ZNF148: variants seen among roughly 807,000 people sequenced by gnomAD.
The protein encoded by ZNF148 is zinc finger protein 148.
Under a neutral mutation model 67.7 loss-of-function variants are expected in ZNF148, and 7 were observed. That is an observed-to-expected ratio of 0.10 (90% CI 0.06 to 0.19). ZNF148 has a LOEUF of 0.19. Among genes scored for constraint, ZNF148 ranks in the 10% least tolerant of loss-of-function variants. The pLI is 1.00. For missense variants in ZNF148, 583 were observed against 947.1 expected (o/e 0.62, Z 5.05); for synonymous variants, 333 against 330.7 (o/e 1.01, Z -0.08).
At chr3:125,242,669 C>T (rs1936421005) in intron 7 of ZNF148, among the ~76,000 whole-genome samples, 1 of 152,046 alleles carries the variant, frequency 6.6e-6, no homozygotes, top group Non-Finnish European at 1.5e-5. Flanking sequence ...AAAAACAAAT[C>T]CTCATATATT....
At chr3:125,300,040 C>T (rs1236013534) in intron 4 of ZNF148, among the ~76,000 whole-genome samples, 1 of 152,164 alleles carries the variant, frequency 6.6e-6, no homozygotes, top group African/African-American at 2.4e-5. Context: ...GGTGCCATCT[C>T]GGCTCACTGC....
chr3:125,255,379 T>G (rs1257549005), intron 7 of ZNF148, among the ~76,000 whole-genome samples: 1 of 151,350 alleles, frequency 6.6e-6, no homozygotes, highest in African/African-American at 2.4e-5. Flanking sequence ...CCCAAGTAGC[T>G]AGGATTATAG....
intron 7 of ZNF148, among the ~76,000 whole-genome samples, chr3:125,252,919 TG>T (rs1936908461): frequency 6.6e-6 from 1 of 152,194 alleles, no homozygotes; most frequent in South Asian, 2.1e-4. Flanking sequence ...AATTATACAA[TG>T]TTTCAAATGA....
In ZNF148 at chr3:125,317,698, C is replaced by T. The variant is rs866974506; in HGVS notation, c.-16-4042G>A. Among the ~76,000 whole-genome samples, 283 of 103,318 alleles carry T rather than the reference C, an allele frequency of 2.7e-3. 3 individuals are homozygous for T. The Middle Eastern group carries it at 0.035, about 13-fold the overall frequency. 67.8% of individuals were successfully genotyped at this position (103,318 alleles called of 152,430 possible). Reference sequence around the variant, plus strand: ...AGAGAGAAATACATATACACACACACATATATATATATATATTTTTTTTTT... The same window carrying T: ...AGAGAGAAATACATATACACACACATATATATATATATATATTTTTTTTTT... On this transcript the variant is annotated intron_variant, in intron 3 of 8. Transcript: ENST00000360647.
At chr3:125,287,979 C>CGAG in intron 5 of ZNF148, 124 bp downstream of exon 5, 1 of 1,364,318 alleles carries the variant, frequency 7.3e-7, no homozygotes, top group Middle Eastern at 1.9e-4. Flanking sequence ...GGCACGCACC[C>CGAG]CCTCCTACTA....
At chr3:125,256,271 G>A (rs1937072557) in intron 7 of ZNF148, among the ~76,000 whole-genome samples, 1 of 151,754 alleles carries the variant, frequency 6.6e-6, no homozygotes, top group Admixed American at 6.6e-5. Flanking sequence ...GGGAGGCTGA[G>A]GCAGGAGAAT....
At chr3:125,267,213 G>A (rs1039327947) in intron 7 of ZNF148, among the ~76,000 whole-genome samples, 1 of 150,654 alleles carries the variant, frequency 6.6e-6, no homozygotes, top group Non-Finnish European at 1.5e-5. Context: ...CTCATTCTAC[G>A]AAACCAGTAT....
intron 1 of ZNF148, among the ~76,000 whole-genome samples, chr3:125,354,959 C>T (rs1000558707): frequency 2.0e-5 from 3 of 152,044 alleles, no homozygotes; most frequent in African/African-American, 7.2e-5. Flanking sequence ...AAAAGTGATG[C>T]CACACCCTTT....
intron 1 of ZNF148, among the ~76,000 whole-genome samples, chr3:125,336,437 T>C (rs750027264): frequency 2.6e-5 from 4 of 152,212 alleles, no homozygotes; most frequent in African/African-American, 4.8e-5. Flanking sequence ...GAGATTTCTA[T>C]GAATTTGGTT....
intron 3 of ZNF148, among the ~76,000 whole-genome samples, chr3:125,316,351 G>A (rs1012350695): frequency 3.3e-5 from 5 of 152,188 alleles, no homozygotes; most frequent in East Asian, 1.9e-4. Flanking sequence ...CTTTTTAGGG[G>A]AAATATACCC....
In ZNF148 at chr3:125,228,847, A is replaced by C. The variant is rs1048669621; in HGVS notation, c.*3494T>G. On this transcript the variant is annotated 3_prime_UTR_variant, in exon 9 of 9. Coordinates refer to ENST00000360647, the MANE Select transcript of ZNF148 (RefSeq NM_021964.3). ...AACCATATTTACAGCATGGTATTGC[A>C]TAAAAAAATAAAATAATGTTTACAG... 3.3e-5 allele frequency: 5 copies of C among 152,636 alleles called. No homozygotes were observed. Among genetic ancestry groups the C allele is most frequent in the Admixed American group, 3.3e-4 (5 of 15,274 alleles). The allele number at this position is 152,636 out of a possible 1,614,324, so 9.5% of individuals were successfully genotyped here. A position where few individuals can be genotyped will look rare whatever the true frequency, so the allele number is the denominator to read the frequency against.
intron 2 of ZNF148, among the ~76,000 whole-genome samples, chr3:125,326,876 A>ATAGT (rs1553710385): frequency 4.0e-5 from 6 of 148,540 alleles, no homozygotes; most frequent in African/African-American, 9.8e-5. Flanking sequence ...ATATATATAT[A>ATAGT]GTGTGTGTGT....
At chr3:125,251,126 C>A (rs1936823170) in intron 7 of ZNF148, among the ~76,000 whole-genome samples, 1 of 152,136 alleles carries the variant, frequency 6.6e-6, no homozygotes, top group African/African-American at 2.4e-5. Context: ...CATTAAATTT[C>A]CACAAAGTCC....
chr3:125,357,530 G>C (rs1355391186), intron 1 of ZNF148, among the ~76,000 whole-genome samples: 1 of 152,004 alleles, frequency 6.6e-6, no homozygotes, highest in South Asian at 2.1e-4. Context: ...AGAGCGCACG[G>C]ACCCAGGCGG....
intron 1 of ZNF148, among the ~76,000 whole-genome samples, chr3:125,354,734 T>A (rs967732451): frequency 1.3e-5 from 2 of 152,202 alleles, no homozygotes; most frequent in Admixed American, 1.3e-4. Flanking sequence ...CTAACTTTAA[T>A]TGTTTTGTTT....
intron 1 of ZNF148, among the ~76,000 whole-genome samples, chr3:125,348,317 A>G (rs1942019805): frequency 6.6e-6 from 1 of 151,926 alleles, no homozygotes; most frequent in African/African-American, 2.4e-5. Context: ...GTGAAGCTTC[A>G]AAAGTGTCAC....
chr3:125,330,712 A>T (rs970964341), intron 2 of ZNF148, among the ~76,000 whole-genome samples: 3 of 152,080 alleles, frequency 2.0e-5, no homozygotes, highest in Non-Finnish European at 2.9e-5. Context: ...AATTTTTATG[A>T]TCATTAATAA....
chr3:125,269,491 A>G (rs145130410), intron 7 of ZNF148, among the ~76,000 whole-genome samples: 2 of 152,124 alleles, frequency 1.3e-5, no homozygotes, highest in South Asian at 2.1e-4. Context: ...AGAAAAGGGA[A>G]CACTTATACA....
chr3:125,342,375 G>A lies in ZNF148; in HGVS notation c.-233-11137C>T, dbSNP rs181424389. Among the ~76,000 whole-genome samples, 21 of 148,022 alleles carry A rather than the reference G, an allele frequency of 1.4e-4. 1 individual carries two copies. In the East Asian group the frequency reaches 4.2e-3, roughly 30 times the overall value. ...AAAAGACAAAAAAAAAACCTTGAAA[G>A]CAGCCAGAGAGAAACAACACATTAC... On this transcript the variant is annotated intron_variant, in intron 1 of 8. Transcript: ENST00000360647.
Sources: allele counts gnomAD v4.1 joint callset (sites outside exome capture counted in the v4.1 genomes callset), GRCh38; gene constraint gnomAD v4.1.1; transcripts MANE v1.5; gene names NCBI Gene and HGNC (gene_info 2026-07-23, HGNC 2026-07-21).